The following SEMA6D variants were observed in gnomAD, a reference collection of about 807,000 sequenced individuals.
SEMA6D encodes semaphorin 6D.
A neutral mutation model predicts 106.6 loss-of-function variants in SEMA6D; 35 were observed. That is an observed-to-expected ratio of 0.33 (90% confidence interval 0.25 to 0.44). The LOEUF is 0.44. SEMA6D is among the 20% of genes least tolerant of loss of function. The pLI, the probability that SEMA6D is intolerant of heterozygous loss-of-function variation, is 1.00. For synonymous variants in SEMA6D, 499 were observed against 487.7 expected, an observed-to-expected ratio of 1.02 and a Z score of -0.31; for missense variants, 1,185 against 1,345.9, an observed-to-expected ratio of 0.88 and a Z score of 1.87.
chr15:47,611,534 TATC>T (rs770572016), intron 4 of SEMA6D, among the ~76,000 whole-genome samples: 28 of 152,196 alleles, frequency 1.8e-4, no homozygotes, highest in Admixed American at 1.1e-3. Context: ...AAAATATACT[TATC>T]ATTAGGCTGA....
intron 1 of SEMA6D, among the ~76,000 whole-genome samples, chr15:47,389,677 GA>G (rs1186982788): frequency 6.6e-6 from 1 of 152,012 alleles, no homozygotes; most frequent in Admixed American, 6.6e-5. Context: ...CATTATTGTA[GA>G]AAAAAATAGC....
At chr15:47,374,289 G>C (rs1269792859) in intron 1 of SEMA6D, among the ~76,000 whole-genome samples, 1 of 152,102 alleles carries the variant, frequency 6.6e-6, no homozygotes, top group Non-Finnish European at 1.5e-5. Flanking sequence ...GGAGTTGCAG[G>C]GGGTGGTAAA....
At chr15:47,676,363 A>G (rs1159421713) in intron 4 of SEMA6D, among the ~76,000 whole-genome samples, 1 of 152,210 alleles carries the variant, frequency 6.6e-6, no homozygotes, top group East Asian at 1.9e-4. Flanking sequence ...ATAGGACAGA[A>G]GGAGAGAGAA....
In SEMA6D at chr15:47,240,612, T is replaced by C. The variant is rs573136133; in HGVS notation, c.-239+56194T>C. Among the ~76,000 whole-genome samples the C allele has an allele frequency of 7.9e-5, 12 of 152,274 alleles. 1 individual carries two copies. In the East Asian group the frequency reaches 9.7e-4, roughly 12 times the overall value. ...GGAATTTTTGCATCTTGATATCTTA[T>C]GTCATTAGAGGAATTTTAGTGCAAC... On this transcript the variant is annotated intron_variant, in intron 1 of 19. Transcript: ENST00000558014.
intron 1 of SEMA6D, among the ~76,000 whole-genome samples, chr15:47,326,525 C>G (rs907322456): frequency 6.6e-5 from 10 of 152,142 alleles, no homozygotes; most frequent in African/African-American, 2.2e-4. Flanking sequence ...TCAAAATTTG[C>G]TTATTAGGTT....
intron 4 of SEMA6D, among the ~76,000 whole-genome samples, chr15:47,683,961 T>C (rs953935993): frequency 1.3e-5 from 2 of 152,208 alleles, no homozygotes; most frequent in African/African-American, 4.8e-5. Flanking sequence ...CTGCTGAAGA[T>C]AGATAATAAA....
chr15:47,462,563 C>G (rs1027977142), intron 2 of SEMA6D, among the ~76,000 whole-genome samples: 3 of 152,012 alleles, frequency 2.0e-5, no homozygotes, highest in Non-Finnish European at 2.9e-5. Context: ...TTTCTTGTTT[C>G]CCTGCCATCA....
chr15:47,555,988 C>G (rs550472702), intron 3 of SEMA6D, among the ~76,000 whole-genome samples: 1 of 152,250 alleles, frequency 6.6e-6, no homozygotes, highest in South Asian at 2.1e-4. Context: ...ATCAGTGTTT[C>G]TCTCCTTTAA....
chr15:47,661,903 A>G (rs2077927894), intron 4 of SEMA6D, among the ~76,000 whole-genome samples: 2 of 152,208 alleles, frequency 1.3e-5, no homozygotes. Context: ...GATATCTTGC[A>G]CAGATCACTG....
At chr15:47,752,054 G>T (rs956856917) in intron 1 of SEMA6D, among the ~76,000 whole-genome samples, 1 of 152,176 alleles carries the variant, frequency 6.6e-6, no homozygotes, top group Non-Finnish European at 1.5e-5. Flanking sequence ...AGGACTCCTT[G>T]TGAGAGGGGG....
chr15:47,659,747 A>C (rs1158063176), intron 4 of SEMA6D, among the ~76,000 whole-genome samples: 1 of 152,146 alleles, frequency 6.6e-6, no homozygotes, highest in African/African-American at 2.4e-5. Flanking sequence ...TAAGGTCATG[A>C]ATACACAGGT....
At chr15:47,652,910 G>A (rs1454580724) in intron 4 of SEMA6D, among the ~76,000 whole-genome samples, 6 of 151,980 alleles carry the variant, frequency 3.9e-5, no homozygotes, top group Admixed American at 3.3e-4. Flanking sequence ...ATAAAGCTAG[G>A]GTTAAATCAA....
chr15:47,294,906 C>T (rs1393468051), intron 1 of SEMA6D, among the ~76,000 whole-genome samples: 1 of 70,710 alleles, frequency 1.4e-5, no homozygotes, highest in African/African-American at 3.5e-5. Flanking sequence ...CTCTTTTTCT[C>T]TGCTCAGTCT....
chr15:47,301,036 C>T (rs1039687472), intron 1 of SEMA6D, among the ~76,000 whole-genome samples: 3 of 152,178 alleles, frequency 2.0e-5, no homozygotes, highest in South Asian at 2.1e-4. Flanking sequence ...CAAGGACAGG[C>T]AGCATAGACT....
At chr15:47,267,668 G>A (rs1355110908) in intron 1 of SEMA6D, among the ~76,000 whole-genome samples, 2 of 151,890 alleles carry the variant, frequency 1.3e-5, no homozygotes, top group East Asian at 3.9e-4. Flanking sequence ...CTGTATTTTG[G>A]TTCTCCATCT....
chr15:47,405,067 G>T (rs1286560116), intron 1 of SEMA6D, among the ~76,000 whole-genome samples: 1 of 152,086 alleles, frequency 6.6e-6, no homozygotes, highest in Non-Finnish European at 1.5e-5. Context: ...ACTCCAGGAG[G>T]AGCAAGCAGC....
chr15:47,655,817 AC>A (rs1470041629), intron 4 of SEMA6D, among the ~76,000 whole-genome samples: 1 of 152,212 alleles, frequency 6.6e-6, no homozygotes, highest in Non-Finnish European at 1.5e-5. Flanking sequence ...GAATTCACCT[AC>A]TTGCCAAAAT....
chr15:47,249,940 G>A (rs1178438201), intron 1 of SEMA6D, among the ~76,000 whole-genome samples: 2 of 152,172 alleles, frequency 1.3e-5, no homozygotes, highest in Admixed American at 6.5e-5. Context: ...CAGGCACCTA[G>A]TAAGGATTTG....
At chr15:47,716,773 G>C (rs1439319), upstream of SEMA6D, among the ~76,000 whole-genome samples, 97,957 of 151,854 alleles carry the variant, frequency 0.65, 32,009 homozygotes, top group Middle Eastern at 0.72. Flanking sequence ...GTAAAACCGG[G>C]TCATTAGCCT....
Sources: allele counts gnomAD v4.1 joint callset (sites outside exome capture counted in the v4.1 genomes callset), GRCh38; gene constraint gnomAD v4.1.1; transcripts MANE v1.5; gene names NCBI Gene and HGNC (gene_info 2026-07-23, HGNC 2026-07-21).